Variants in BCAS3 observed in about 807,000 individuals in gnomAD.
The protein encoded by BCAS3 is BCAS3 microtubule associated cell migration factor, also known as BCAS4/BCAS3 fusion.
A neutral mutation model predicts 116.1 loss-of-function variants in BCAS3; 53 were observed. That is an observed-to-expected ratio of 0.46 (90% CI 0.37 to 0.57). The LOEUF (loss-of-function observed/expected upper bound fraction) is 0.57. BCAS3 is among the 20% of genes least tolerant of loss of function. BCAS3 has a pLI of 0.00. For synonymous variants in BCAS3, 391 were observed against 408.2 expected (o/e 0.96, Z 0.51); for missense variants, 917 against 1,165.4 (o/e 0.79, Z 3.10).
At position 61,365,524 on chromosome 17, in the gene BCAS3, G is replaced by T; in HGVS notation, c.2426-2803G>T. On this transcript the variant is annotated intron_variant, in intron 22 of 23. Transcript: ENST00000407086. The surrounding 1 kb of genome is among the most constrained non-coding windows in gnomAD (Gnocchi z 4.6). The stretch of plus-strand genomic sequence containing the variant: ...AACTTTTGTATTTTTAGTCGAGATG[G>T]CGTTTCACCATGTTGTCCAGGCTGG... 6.6e-6 allele frequency among the ~76,000 whole-genome samples: 1 copy of T among 152,186 alleles called. No homozygotes were observed. Among genetic ancestry groups the T allele is most frequent in the East Asian group, 1.9e-4 (1 of 5,150 alleles).
chr17:60,939,475 A>T (rs889537774), intron 13 of BCAS3, among the ~76,000 whole-genome samples: 7 of 152,166 alleles, frequency 4.6e-5, no homozygotes, highest in African/African-American at 1.4e-4. Context: ...TACGGAATGG[A>T]TATATAAATT....
At chr17:60,772,365 G>A (rs9913668) in intron 6 of BCAS3, among the ~76,000 whole-genome samples, 1 of 151,412 alleles carries the variant, frequency 6.6e-6, no homozygotes, top group Non-Finnish European at 1.5e-5. Context: ...TTTTGAGAAG[G>A]GTCTGTTCAT....
At chr17:60,845,339 T>C (rs2052415343) in intron 7 of BCAS3, among the ~76,000 whole-genome samples, 1 of 152,214 alleles carries the variant, frequency 6.6e-6, no homozygotes, top group Non-Finnish European at 1.5e-5. Context: ...TGGTGTGTCA[T>C]TGAAAGCTTT....
chr17:61,165,319 A>G (rs537515417), intron 22 of BCAS3, among the ~76,000 whole-genome samples: 1 of 152,332 alleles, frequency 6.6e-6, no homozygotes, highest in South Asian at 2.1e-4. Flanking sequence ...CCACCAATGT[A>G]TATCCTGGCC....
intron 6 of BCAS3, among the ~76,000 whole-genome samples, chr17:60,772,141 A>C (rs2044775709): frequency 6.6e-6 from 1 of 152,248 alleles, no homozygotes; most frequent in Admixed American, 6.5e-5. Context: ...ACTGTCTTCC[A>C]CAATGGTTGA....
Position 61,088,106 on chromosome 17 carries a change from C to T in BCAS3, c.2425+3542C>T, listed in dbSNP as rs1448029570. Reference sequence around the variant, plus strand: ...CTGAGGCACAAGAATTGCTTGAACCCGGGAGGCAGAGGTTGCAGTGAGCTG... The same window carrying T: ...CTGAGGCACAAGAATTGCTTGAACCTGGGAGGCAGAGGTTGCAGTGAGCTG... On this transcript the variant is annotated intron_variant, in intron 22 of 23. Transcript: ENST00000407086. The surrounding 1 kb of genome is among the most constrained non-coding windows in gnomAD (Gnocchi z 4.2). Among the ~76,000 whole-genome samples the T allele has an allele frequency of 2.0e-5, 3 of 152,108 alleles. No individual in the cohort carries two copies. Among genetic ancestry groups the T allele is most frequent in the African/African-American group, 4.8e-5 (2 of 41,426 alleles).
rs1163479407 is a variant in BCAS3, at chr17:61,343,757, A to G, written c.2426-24570A>G. On this transcript the variant is annotated intron_variant, in intron 22 of 23. Coordinates refer to ENST00000407086, the MANE Select transcript of BCAS3 (RefSeq NM_017679.5). The surrounding 1 kb of genome is among the most constrained non-coding windows in gnomAD (Gnocchi z 5.5). Reference sequence around the variant, plus strand: ...GTGATTATCCTCTGTCTAAGTCAAAAGCAGCTTAATTCCTCTAAAAACAGT... The same window carrying G: ...GTGATTATCCTCTGTCTAAGTCAAAGGCAGCTTAATTCCTCTAAAAACAGT... Among the ~76,000 whole-genome samples, 1 of 152,240 alleles carries G rather than the reference A, an allele frequency of 6.6e-6. No homozygotes were observed. The highest frequency in any genetic ancestry group is 1.5e-5 in the Non-Finnish European group (1 of 68,050).
intron 22 of BCAS3, among the ~76,000 whole-genome samples, chr17:61,246,471 G>GGAA (rs1315206893): frequency 6.0e-5 from 2 of 33,446 alleles, no homozygotes; most frequent in African/African-American, 9.8e-5. Flanking sequence ...GACTGTCTCA[G>GGAA]AAAAAAAAAA....
At chr17:61,303,383 C>T (rs2053602848) in intron 22 of BCAS3, among the ~76,000 whole-genome samples, 1 of 152,130 alleles carries the variant, frequency 6.6e-6, no homozygotes, top group Non-Finnish European at 1.5e-5. Flanking sequence ...AGAGAAACAT[C>T]CAGTGGGTGA....
At chr17:60,868,766 T>C (rs1407223964) in intron 8 of BCAS3, 83 bp downstream of exon 8, 9 of 703,606 alleles carry the variant, frequency 1.3e-5, no homozygotes, top group Non-Finnish European at 2.0e-5. Flanking sequence ...TTTCAATGAC[T>C]AACTTAGATT....
intron 6 of BCAS3, among the ~76,000 whole-genome samples, chr17:60,784,070 A>G (rs1395609740): frequency 2.6e-5 from 4 of 152,176 alleles, no homozygotes; most frequent in African/African-American, 4.8e-5. Context: ...CATCTGGAAT[A>G]TGGTCAGAAT....
rs992996198 is a variant in BCAS3, at chr17:61,326,027, A to G, written c.2426-42300A>G. Among the ~76,000 whole-genome samples the G allele has an allele frequency of 2.2e-4, 33 of 152,236 alleles. No individual in the cohort carries two copies. The highest frequency in any genetic ancestry group is 7.7e-4 in the African/African-American group (32 of 41,470). ...TTTGTTTGGCATCCATCAAATCTCT[A>G]TAAATGCTAACTGTGTGTGCTATTA... On this transcript the variant is annotated intron_variant, in intron 22 of 23. Coordinates refer to ENST00000407086, the MANE Select transcript of BCAS3 (RefSeq NM_017679.5). This position sits in a 1 kb window ranked among gnomAD's most constrained non-coding sequence, Gnocchi z 5.3.
rs1053074005 is a variant in BCAS3 at position 61,388,040 on chromosome 17, C to T, written c.2594-3937C>T. Among the ~76,000 whole-genome samples the T allele has an allele frequency of 6.6e-6, 1 of 152,182 alleles. No individual in the cohort carries two copies. Among genetic ancestry groups the T allele is most frequent in the African/African-American group, 2.4e-5 (1 of 41,430 alleles). On this transcript the variant is annotated intron_variant, in intron 23 of 23. Coordinates refer to ENST00000407086, the MANE Select transcript of BCAS3 (RefSeq NM_017679.5). The surrounding 1 kb of genome is among the most constrained non-coding windows in gnomAD (Gnocchi z 6.5). ...CTAAGGGGGGAGGTGGCTGGGGACA[C>T]TTCCCTCATTTCCTGCCACAGAGCC... is the stretch of plus-strand genomic sequence containing the variant.
chr17:61,218,828 G>A (rs766701107), intron 22 of BCAS3, among the ~76,000 whole-genome samples: 3 of 152,086 alleles, frequency 2.0e-5, no homozygotes, highest in African/African-American at 4.8e-5. Flanking sequence ...TATCATTGCC[G>A]CTTATGTCAC....
chr17:61,329,343 A>ATTTTTTTTTTTTTTTT (rs35909318), intron 22 of BCAS3, among the ~76,000 whole-genome samples: 1 of 131,280 alleles, frequency 7.6e-6, no homozygotes, highest in African/African-American at 2.9e-5. Context: ...TATTATTATT[A>ATTTTTTTTTTTTTTTT]TTTTTTTTTT....
At chr17:61,382,049 C>T (rs759796759) in intron 23 of BCAS3, among the ~76,000 whole-genome samples, 166 of 152,068 alleles carry the variant, frequency 1.1e-3, no homozygotes, top group Admixed American at 3.3e-3. Context: ...AGCCTGGGGC[C>T]GGGCGCGGTG....
At chr17:61,009,736 C>G (rs1600438562) in intron 15 of BCAS3, among the ~76,000 whole-genome samples, 1 of 151,946 alleles carries the variant, frequency 6.6e-6, no homozygotes, top group East Asian at 1.9e-4. Context: ...AAATGTTCAA[C>G]AATTTCAGTT....
chr17:60,706,256 G>A (rs2037122202), intron 4 of BCAS3, among the ~76,000 whole-genome samples: 1 of 151,862 alleles, frequency 6.6e-6, no homozygotes, highest in African/African-American at 2.4e-5. Context: ...TAGAGATGGG[G>A]TTTCACCATG....
At chr17:61,359,198 T>G (rs954864534) in intron 22 of BCAS3, among the ~76,000 whole-genome samples, 3 of 152,194 alleles carry the variant, frequency 2.0e-5, no homozygotes, top group African/African-American at 7.2e-5. Flanking sequence ...TCTTAGCCTT[T>G]CATAGAATCC....
Sources: allele counts gnomAD v4.1 joint callset (sites outside exome capture counted in the v4.1 genomes callset), GRCh38; gene constraint gnomAD v4.1.1; non-coding constraint Gnocchi (gnomAD v3.1); transcripts MANE v1.5; gene names NCBI Gene and HGNC (gene_info 2026-07-23, HGNC 2026-07-21).